The following SCAPER variants were observed in gnomAD, a reference collection of about 807,000 sequenced individuals.
SCAPER encodes S-phase cyclin A associated protein in the ER.
Under a neutral mutation model 182.2 loss-of-function variants are expected in SCAPER, and 98 were observed. That is an observed-to-expected ratio of 0.54 (90% confidence interval 0.46 to 0.64). SCAPER has a LOEUF of 0.64. Ranked by LOEUF, SCAPER falls within the 30% of genes least tolerant of loss-of-function variation. The pLI is 0.00. For missense variants in SCAPER, 1,432 were observed against 1,690.0 expected, an observed-to-expected ratio of 0.85 and a Z score of 2.68; for synonymous variants, 605 against 564.6, an observed-to-expected ratio of 1.07 and a Z score of -1.01.
chr15:76,899,881 T>C (rs2074668328), intron 1 of SCAPER, among the ~76,000 whole-genome samples: 1 of 152,068 alleles, frequency 6.6e-6, no homozygotes, highest in African/African-American at 2.4e-5. Flanking sequence ...ATGATGACGA[T>C]GGCGGTTTTG....
chr15:76,691,991 A>G (rs779567093), intron 20 of SCAPER, among the ~76,000 whole-genome samples: 17 of 152,312 alleles, frequency 1.1e-4, no homozygotes, highest in Middle Eastern at 3.4e-3. Context: ...TGACAGCAGA[A>G]AAAAGAAAAA....
At position 76,813,227 on chromosome 15, in the gene SCAPER, T is replaced by TA. The variant is rs746891532; in HGVS notation, c.394-8595dup. Among the ~76,000 whole-genome samples the TA allele has an allele frequency of 1.2e-3, 20 of 17,274 alleles. 1 individual carries two copies. Among genetic ancestry groups the TA allele is most frequent in the African/African-American group, 3.8e-3 (16 of 4,254 alleles). 11.3% of individuals were successfully genotyped at this position (17,274 alleles called of 152,430 possible). A position where few individuals can be genotyped will look rare whatever the true frequency, so the allele number is the denominator to read the frequency against. ...CAGACAGAGTTCAATATCCTTTCACTAAAAAAAAAAAAAAAAAAAAAAAAA... is the reference window on the plus strand; with the variant it reads ...CAGACAGAGTTCAATATCCTTTCACTAAAAAAAAAAAAAAAAAAAAAAAAAA... On this transcript the variant is annotated intron_variant, in intron 5 of 31. Transcript: ENST00000563290.
chr15:76,767,368 A>C (rs956275729), intron 10 of SCAPER, among the ~76,000 whole-genome samples: 1 of 152,164 alleles, frequency 6.6e-6, no homozygotes, highest in Non-Finnish European at 1.5e-5. Flanking sequence ...GAAATTATAT[A>C]AATAACAGGT....
chr15:76,893,802 C>A (rs922758475), intron 1 of SCAPER, among the ~76,000 whole-genome samples: 3 of 152,054 alleles, frequency 2.0e-5, no homozygotes, highest in Non-Finnish European at 2.9e-5. Flanking sequence ...TTAAACAACA[C>A]ACAACTAAAC....
chr15:76,813,827 C>T (rs1416377642), intron 5 of SCAPER, among the ~76,000 whole-genome samples: 1 of 152,096 alleles, frequency 6.6e-6, no homozygotes, highest in Admixed American at 6.5e-5. Context: ...TGCAAATAAA[C>T]AGAAAGCTAT....
At chr15:76,791,024 A>T (rs927197355) in intron 8 of SCAPER, among the ~76,000 whole-genome samples, 9 of 152,138 alleles carry the variant, frequency 5.9e-5, no homozygotes, top group Non-Finnish European at 1.2e-4. Context: ...TCTAATTTTC[A>T]TTGTGGTATC....
intron 8 of SCAPER, among the ~76,000 whole-genome samples, chr15:76,788,053 T>C (rs1334705379): frequency 2.6e-5 from 4 of 152,172 alleles, no homozygotes; most frequent in Non-Finnish European, 5.9e-5. Flanking sequence ...CTGAAGAAGA[T>C]ATACAATGGG....
chr15:76,821,881 A>G (rs980911444), intron 5 of SCAPER, among the ~76,000 whole-genome samples: 3 of 152,160 alleles, frequency 2.0e-5, no homozygotes, highest in African/African-American at 7.2e-5. Context: ...TCATCTCTAA[A>G]AAAAAAGGTA....
At chr15:76,453,915 C>T (rs955882937) in intron 25 of SCAPER, among the ~76,000 whole-genome samples, 2 of 152,170 alleles carry the variant, frequency 1.3e-5, no homozygotes, top group Non-Finnish European at 2.9e-5. Flanking sequence ...CAGTTATCAT[C>T]TGTGTCTATT....
intron 22 of SCAPER, among the ~76,000 whole-genome samples, chr15:76,606,662 T>C (rs1369357450): frequency 3.3e-5 from 5 of 151,736 alleles, no homozygotes; most frequent in African/African-American, 9.7e-5. Flanking sequence ...AGTCTCTTTG[T>C]AGGTCTCTAA....
intron 23 of SCAPER, among the ~76,000 whole-genome samples, chr15:76,524,745 G>A (rs777706486): frequency 7.5e-5 from 9 of 119,732 alleles, no homozygotes; most frequent in African/African-American, 2.6e-4. Flanking sequence ...TTACCAATAC[G>A]TAAGAGTGTA....
chr15:76,551,290 C>G (rs191583550), intron 23 of SCAPER, among the ~76,000 whole-genome samples: 1 of 151,946 alleles, frequency 6.6e-6, no homozygotes, highest in East Asian at 1.9e-4. Context: ...TCAAAATGGC[C>G]AAGATATGGA....
At chr15:76,664,709 T>C (rs1184823215) in intron 21 of SCAPER, among the ~76,000 whole-genome samples, 3 of 152,088 alleles carry the variant, frequency 2.0e-5, no homozygotes, top group African/African-American at 7.2e-5. Flanking sequence ...AAACTAGAAA[T>C]GAAGGTCAGT....
At chr15:76,749,504 T>TA (rs986418838) in intron 15 of SCAPER, among the ~76,000 whole-genome samples, 3 of 151,584 alleles carry the variant, frequency 2.0e-5, no homozygotes, top group Non-Finnish European at 4.4e-5. Flanking sequence ...TAAAAGGAGA[T>TA]AAAAAATAAA....
chr15:76,703,839 C>G (rs988831528), intron 18 of SCAPER, among the ~76,000 whole-genome samples: 1 of 152,138 alleles, frequency 6.6e-6, no homozygotes, highest in African/African-American at 2.4e-5. Flanking sequence ...CCCCTGCCTA[C>G]CACAAGGCTC....
At chr15:76,548,143 G>A (rs2045452626) in intron 23 of SCAPER, among the ~76,000 whole-genome samples, 2 of 151,432 alleles carry the variant, frequency 1.3e-5, no homozygotes, top group African/African-American at 2.4e-5. Flanking sequence ...GCAGCTTGCT[G>A]CTAGCGCTCA....
intron 14 of SCAPER, among the ~76,000 whole-genome samples, chr15:76,755,052 A>G (rs568457430): frequency 2.0e-5 from 3 of 152,316 alleles, no homozygotes; most frequent in South Asian, 4.1e-4. Flanking sequence ...GAAAACATCT[A>G]AAGTCTTGTA....
At chr15:76,620,548 AAGT>A in intron 22 of SCAPER, among the ~76,000 whole-genome samples, 1 of 152,204 alleles carries the variant, frequency 6.6e-6, no homozygotes, top group Non-Finnish European at 1.5e-5. Context: ...TAATAAATAA[AAGT>A]AGTAAGCTGA....
chr15:76,546,501 T>C (rs2045297356), intron 23 of SCAPER, among the ~76,000 whole-genome samples: 1 of 152,072 alleles, frequency 6.6e-6, no homozygotes, highest in Admixed American at 6.6e-5. Flanking sequence ...TGCTTTATTG[T>C]TTTTTAAAAA....
Sources: allele counts gnomAD v4.1 joint callset (sites outside exome capture counted in the v4.1 genomes callset), GRCh38; gene constraint gnomAD v4.1.1; transcripts MANE v1.5; gene names NCBI Gene and HGNC (gene_info 2026-07-23, HGNC 2026-07-21).